The following GLG1 variants were observed in gnomAD, a reference collection of about 807,000 sequenced individuals.
GLG1 encodes Golgi apparatus protein 1.
Under a neutral mutation model 160.5 loss-of-function variants are expected in GLG1, and 38 were observed. That is an observed-to-expected ratio of 0.24 (90% CI 0.18 to 0.31). GLG1 has a LOEUF of 0.31. GLG1 is among the 10% of genes least tolerant of loss of function. The probability of loss-of-function intolerance (pLI) is 1.00; values close to 1 mark genes in which losing one functional copy is unlikely to be tolerated. For missense variants in GLG1, 1,373 were observed against 1,505.2 expected (o/e 0.91, Z 1.45); for synonymous variants, 644 against 543.4 (o/e 1.19, Z -2.57).
chr16:74,527,909 G>T (rs1489493494), intron 2 of GLG1, among the ~76,000 whole-genome samples: 1 of 143,264 alleles, frequency 7.0e-6, no homozygotes, highest in Non-Finnish European at 1.5e-5. Flanking sequence ...TTTTGAGATG[G>T]AGTCTCGTTC....
At chr16:74,466,781 A>T (rs2015015425) in intron 18 of GLG1, among the ~76,000 whole-genome samples, 1 of 152,222 alleles carries the variant, frequency 6.6e-6, no homozygotes, top group Admixed American at 6.5e-5. Flanking sequence ...GAATGGACAA[A>T]GCTGAAGAAT....
intron 1 of GLG1, among the ~76,000 whole-genome samples, chr16:74,582,743 C>A (rs180943185): frequency 4.0e-5 from 6 of 151,842 alleles, no homozygotes; most frequent in Admixed American, 3.3e-4. Context: ...GGTGTGAACC[C>A]GGGAGGTGGA....
At chr16:74,473,437 CTTTT>C (rs11421713) in intron 13 of GLG1, among the ~76,000 whole-genome samples, 1 of 110,992 alleles carries the variant, frequency 9.0e-6, no homozygotes, top group Admixed American at 1.1e-4. Flanking sequence ...TGGTCTTGAC[CTTTT>C]TTTTTTTTTT....
rs555586820 is a variant in GLG1, at chr16:74,516,161, A to G, written c.472-7236T>C. On this transcript the variant is annotated intron_variant, in intron 2 of 25. Transcript: ENST00000422840. ...GACAGATCAACGAGACAGAAAGTTA[A>G]GAAGGATATCCAGGAATTGAACTCA... 9.2e-5 allele frequency among the ~76,000 whole-genome samples: 14 copies of G among 151,822 alleles called. No individual in the cohort carries two copies. In the South Asian group the frequency reaches 2.9e-3, roughly 31 times the overall value.
At chr16:74,475,898 C>G (rs1225851116) in intron 12 of GLG1, among the ~76,000 whole-genome samples, 1 of 151,972 alleles carries the variant, frequency 6.6e-6, no homozygotes, top group Non-Finnish European at 1.5e-5. Context: ...TAATAGAATC[C>G]TGGCTGGTCT....
intron 1 of GLG1, among the ~76,000 whole-genome samples, chr16:74,593,628 T>A (rs1342743550): frequency 1.3e-5 from 2 of 151,992 alleles, no homozygotes; most frequent in Middle Eastern, 3.4e-3. Flanking sequence ...AGAGACAGGG[T>A]TTCACCACGT....
At chr16:74,461,323 G>A (rs1320075601) in intron 22 of GLG1, among the ~76,000 whole-genome samples, 11 of 149,888 alleles carry the variant, frequency 7.3e-5, no homozygotes, top group African/African-American at 2.4e-4. Flanking sequence ...ATACGCCACC[G>A]GGCCGGGCTA....
chr16:74,473,630 C>T (rs1005180255), intron 13 of GLG1, among the ~76,000 whole-genome samples: 4 of 151,714 alleles, frequency 2.6e-5, no homozygotes, highest in Non-Finnish European at 5.9e-5. Flanking sequence ...TTAGTACAGA[C>T]GGGGTTTCAC....
At chr16:74,527,165 TTG>T (rs2017361414) in intron 2 of GLG1, among the ~76,000 whole-genome samples, 1 of 152,128 alleles carries the variant, frequency 6.6e-6, no homozygotes, top group African/African-American at 2.4e-5. Context: ...TACCCACCCT[TTG>T]TGCTACTGTT....
intron 6 of GLG1, 28 bp from the exon 7 acceptor site, chr16:74,493,168 GA>G: frequency 6.5e-7 from 1 of 1,536,304 alleles, no homozygotes; most frequent in South Asian, 1.2e-5. Flanking sequence ...CAACAGCCGT[GA>G]GACCACTCAT....
intron 1 of GLG1, among the ~76,000 whole-genome samples, chr16:74,597,940 C>T (rs890722617): frequency 1.8e-4 from 28 of 151,832 alleles, no homozygotes; most frequent in Non-Finnish European, 3.1e-4. Flanking sequence ...CGCTTGAACC[C>T]GGGAGCCAGA....
chr16:74,559,770 T>C (rs1240703546), intron 1 of GLG1, among the ~76,000 whole-genome samples: 4 of 152,134 alleles, frequency 2.6e-5, no homozygotes, highest in African/African-American at 4.8e-5. Flanking sequence ...CCTTCTGACA[T>C]ATGTATTTTC....
At chr16:74,549,953 A>C (rs1026779262) in intron 1 of GLG1, among the ~76,000 whole-genome samples, 1 of 152,132 alleles carries the variant, frequency 6.6e-6, no homozygotes, top group African/African-American at 2.4e-5. Flanking sequence ...AAATGTGCCA[A>C]AAAGAAAAAA....
At chr16:74,504,472 G>C (rs2016525543) in intron 3 of GLG1, among the ~76,000 whole-genome samples, 1 of 152,100 alleles carries the variant, frequency 6.6e-6, no homozygotes, top group African/African-American at 2.4e-5. Context: ...ATTTTTAGTA[G>C]AGACGGAGTT....
intron 4 of GLG1, among the ~76,000 whole-genome samples, chr16:74,498,993 C>A (rs2143431423): frequency 6.6e-6 from 1 of 151,746 alleles, no homozygotes; most frequent in Non-Finnish European, 1.5e-5. Flanking sequence ...TCTATAGCAC[C>A]TTAATTTCCA....
At chr16:74,537,376 T>C (rs1386860953) in intron 1 of GLG1, among the ~76,000 whole-genome samples, 16 of 151,606 alleles carry the variant, frequency 1.1e-4, no homozygotes, top group African/African-American at 3.6e-4. Context: ...ACAAAAAACC[T>C]CACAAAAAAC....
intron 4 of GLG1, among the ~76,000 whole-genome samples, chr16:74,502,531 G>A (rs986217085): frequency 6.6e-6 from 1 of 151,658 alleles, no homozygotes; most frequent in African/African-American, 2.4e-5. Context: ...AGCAGCCAGT[G>A]TGCTAAGTAA....
At chr16:74,558,425 C>G (rs1316407973) in intron 1 of GLG1, among the ~76,000 whole-genome samples, 1 of 152,150 alleles carries the variant, frequency 6.6e-6, no homozygotes, top group Admixed American at 6.5e-5. Context: ...AGTGTGTGCA[C>G]AAATGTTTGA....
intron 23 of GLG1, 30 bp from the exon 24 acceptor site, chr16:74,458,024 C>A: frequency 6.2e-7 from 1 of 1,609,684 alleles, no homozygotes; most frequent in Non-Finnish European, 8.5e-7. Context: ...GCAGACAGAG[C>A]TTTTGAAGGG....
Sources: gnomAD v4.1 joint callset for allele counts (sites outside exome capture counted in the v4.1 genomes callset) on GRCh38, gnomAD v4.1.1 for gene constraint, MANE v1.5 for transcripts, NCBI Gene and HGNC (gene_info 2026-07-23, HGNC 2026-07-21) for gene names.